Variants in IL20RA observed in about 807,000 individuals in gnomAD.
The protein encoded by IL20RA is interleukin 20 receptor subunit alpha.
In IL20RA, 29 loss-of-function variants were observed where a neutral mutation model predicts 36.5. The ratio of observed to expected loss-of-function variants is 0.79; its 90% confidence interval spans 0.59 to 1.08. The LOEUF (loss-of-function observed/expected upper bound fraction) is 1.08. Ranked by LOEUF, IL20RA falls within the 50% of genes least tolerant of loss-of-function variation. The pLI, the probability that IL20RA is intolerant of heterozygous loss-of-function variation, is 0.00. For synonymous variants in IL20RA, 279 were observed against 267.1 expected (o/e 1.04, Z -0.43); for missense variants, 652 against 668.4 (o/e 0.98, Z 0.27).
intron 3 of IL20RA, among the ~76,000 whole-genome samples, chr6:137,009,911 A>T (rs1450158039): frequency 1.3e-5 from 2 of 152,038 alleles, no homozygotes; most frequent in Non-Finnish European, 2.9e-5. Context: ...GCCTTAAAAG[A>T]CACCTTCTTA....
At position 137,008,743 on chromosome 6, in the gene IL20RA, A is replaced by C; in HGVS notation, c.580T>G (p.Trp194Gly). 1 of 1,590,086 alleles carries C rather than the reference A, an allele frequency of 6.3e-7. No individual in the cohort carries two copies. Among genetic ancestry groups the C allele is most frequent in the Non-Finnish European group, 8.6e-7 (1 of 1,169,006 alleles). The change falls in exon 5 of 7, where the codon TGG (tryptophan) becomes GGG (glycine). Residue 194 changes from tryptophan (W) to glycine (G), a missense_variant and splice_region_variant. Coordinates refer to ENST00000316649, the MANE Select transcript of IL20RA (RefSeq NM_014432.4). Reference protein sequence around the residue: ...SVLNTKSNRTWSQCVTNHTLV... With the variant: ...SVLNTKSNRTGSQCVTNHTLV... ...GTGTGGTTGGTCACACACTGGGACC[A>C]CTAGGATAGGGAATTGCAAACATTG...
chr6:137,030,070 G>GTTTTTTTTTTTTTTTTTTTTTTT (rs1188809232), intron 1 of IL20RA, among the ~76,000 whole-genome samples: 1 of 62,804 alleles, frequency 1.6e-5, no homozygotes, highest in African/African-American at 6.5e-5. Flanking sequence ...CGGTTTGCGG[G>GTTTTTTTTTTTTTTTTTTTTTTT]TTTTTTTTTT....
intron 1 of IL20RA, 79 bp downstream of exon 1, chr6:137,044,562 G>A (rs1035038263): frequency 3.3e-6 from 4 of 1,198,412 alleles, no homozygotes; most frequent in Non-Finnish European, 4.2e-6. Context: ...GGAGGGGAGA[G>A]CTCGGCCTCG....
intron 5 of IL20RA, among the ~76,000 whole-genome samples, chr6:137,006,304 A>G (rs1003262033): frequency 3.3e-5 from 5 of 152,232 alleles, no homozygotes; most frequent in Admixed American, 1.3e-4. Flanking sequence ...CAAGGAGCAC[A>G]TTCATCACCA....
chr6:137,016,873 C>T (rs1775706772), intron 2 of IL20RA, 95 bp downstream of exon 2: 1 of 1,117,664 alleles, frequency 8.9e-7, no homozygotes, highest in Non-Finnish European at 1.3e-6. Context: ...CTTTTTCAAA[C>T]ACATTTAATA....
intron 2 of IL20RA, 127 bp downstream of exon 2, chr6:137,016,841 C>G (rs1775705365): frequency 2.3e-6 from 2 of 871,674 alleles, no homozygotes; most frequent in Non-Finnish European, 3.6e-6. Flanking sequence ...AAAACTTAAC[C>G]TGAAATATCT....
rs550412722 is a variant in IL20RA at position 137,044,940 on chromosome 6, G to A, written c.-212C>T. The A allele has an allele frequency of 3.3e-5, 12 of 361,802 alleles. No individual in the cohort carries two copies. In the South Asian group the frequency reaches 1.7e-3, roughly 52 times the overall value. The allele number at this position is 361,802 out of a possible 1,614,324, so 22.4% of individuals were successfully genotyped here. A position where few individuals can be genotyped will look rare whatever the true frequency, so the allele number is the denominator to read the frequency against. ...CGAGCGACTCGCGGAGCCCCCACGC[G>A]CGCTCCCCCGGCTACCCAGCTGGAT... On this transcript the variant is annotated 5_prime_UTR_variant, in exon 1 of 7. Coordinates refer to ENST00000316649, the MANE Select transcript of IL20RA (RefSeq NM_014432.4).
intron 1 of IL20RA, among the ~76,000 whole-genome samples, chr6:137,037,698 G>A (rs578209145): frequency 4.6e-5 from 7 of 152,128 alleles, no homozygotes; most frequent in Non-Finnish European, 7.4e-5. Flanking sequence ...AAGTCAGCCC[G>A]AGATATTGCA....
At chr6:137,018,058 T>C (rs1413809697) in intron 1 of IL20RA, among the ~76,000 whole-genome samples, 1 of 152,222 alleles carries the variant, frequency 6.6e-6, no homozygotes, top group African/African-American at 2.4e-5. Context: ...CAACTTATCC[T>C]GTCACAAATA....
At chr6:137,004,144 A>G (rs1775179031) in intron 6 of IL20RA, among the ~76,000 whole-genome samples, 1 of 146,022 alleles carries the variant, frequency 6.8e-6, no homozygotes, top group African/African-American at 2.5e-5. Context: ...TCTGTTAGTC[A>G]GCTAATCCAG....
In IL20RA at chr6:137,000,267, TATCTC is replaced by T. The variant is rs915926906; in HGVS notation, c.*1286_*1290del. Reference sequence around the variant, plus strand: ...AATATCAATAAGGAAATATGGGTGATATCTCTTCTCATGAAAGAGCATCAATGGAT... The same window carrying T: ...AATATCAATAAGGAAATATGGGTGATTTCTCATGAAAGAGCATCAATGGAT... On this transcript the variant is annotated 3_prime_UTR_variant, in exon 7 of 7. Coordinates refer to ENST00000316649, the MANE Select transcript of IL20RA (RefSeq NM_014432.4). 2.6e-5 allele frequency: 4 copies of T among 152,316 alleles called. No homozygotes were observed. The highest frequency in any genetic ancestry group is 1.9e-4 in the East Asian group (1 of 5,192). 9.4% of individuals were successfully genotyped at this position (152,316 alleles called of 1,614,324 possible).
At chr6:137,038,302 A>G (rs1288466240) in intron 1 of IL20RA, among the ~76,000 whole-genome samples, 1 of 135,754 alleles carries the variant, frequency 7.4e-6, no homozygotes, top group African/African-American at 2.9e-5. Flanking sequence ...TGCAGCCCCA[A>G]ACTCCTGGGC....
rs149853805 is a variant in IL20RA at position 137,014,856 on chromosome 6, T to C, written c.224+2112A>G. On this transcript the variant is annotated intron_variant, in intron 2 of 6. Coordinates refer to ENST00000316649, the MANE Select transcript of IL20RA (RefSeq NM_014432.4). ...TTTGGTCATCACTAAGTTCTTCTTT[T>C]GGGTTTGTCTTTATCTCTCTGTTAG... Among the ~76,000 whole-genome samples the C allele has an allele frequency of 2.7e-3, 405 of 152,338 alleles. 2 individuals carry two copies. Among genetic ancestry groups the C allele is most frequent in the African/African-American group, 9.0e-3 (376 of 41,580 alleles).
intron 2 of IL20RA, 118 bp downstream of exon 2, chr6:137,016,850 C>T (rs1021243167): frequency 8.3e-6 from 8 of 958,290 alleles, no homozygotes; most frequent in Admixed American, 5.1e-5. Flanking sequence ...CCTGAAATAT[C>T]TAAAACTTTT....
At chr6:137,038,367 C>A (rs573489283) in intron 1 of IL20RA, among the ~76,000 whole-genome samples, 1 of 151,928 alleles carries the variant, frequency 6.6e-6, no homozygotes, top group East Asian at 1.9e-4. Flanking sequence ...CCAAGCCTGG[C>A]TATTTTTTGA....
chr6:137,017,386 G>C (rs56933397), intron 1 of IL20RA, among the ~76,000 whole-genome samples: 13 of 152,252 alleles, frequency 8.5e-5, no homozygotes, highest in African/African-American at 3.1e-4. Flanking sequence ...AGTTGTCCTG[G>C]TGTCCCAGCT....
Position 137,001,852 on chromosome 6 carries a change from G to A in IL20RA, c.1368C>T (p.Asp456=). The change falls in exon 7 of 7, where the codon GAC becomes GAT. Residue 456 remains aspartate (D), a synonymous_variant. Coordinates refer to ENST00000316649, the MANE Select transcript of IL20RA (RefSeq NM_014432.4). ...TGTGCTCCTGCGCCAGGGGGTCTAAGTCTTGGAGCTGAGGGGTGTATGAGT... is the reference window on the plus strand; with the variant it reads ...TGTGCTCCTGCGCCAGGGGGTCTAAATCTTGGAGCTGAGGGGTGTATGAGT... ...LQYSYTPQLQ[D]LDPLAQEHTD... is the part of the protein sequence containing the mutation. The A allele has an allele frequency of 6.2e-7, 1 of 1,613,616 alleles. No homozygotes were observed. Among genetic ancestry groups the A allele is most frequent in the Non-Finnish European group, 8.5e-7 (1 of 1,179,714 alleles).
At chr6:137,006,912 T>TG (rs1216100162) in intron 5 of IL20RA, among the ~76,000 whole-genome samples, 3 of 151,986 alleles carry the variant, frequency 2.0e-5, no homozygotes, top group African/African-American at 7.3e-5. Flanking sequence ...TTAGTAGAGA[T>TG]GGGGTTTCAC....
rs201684775 is a variant in IL20RA, at chr6:137,001,687, C to A, written c.1533G>T (p.Gly511=). 1 of 1,614,172 alleles carries A rather than the reference C, an allele frequency of 6.2e-7. No homozygotes were observed. Among genetic ancestry groups the A allele is most frequent in the East Asian group, 2.2e-5 (1 of 44,888 alleles). ...SEGCEPSEGD[G]LGEEGLLSRL... ...TAGATAGAAGACCCTCCTCTCCGAG[C>A]CCATCCCCCTCAGAAGGCTCGCAGC... The change falls in exon 7 of 7, where the codon GGG becomes GGT. Residue 511 remains glycine (G), a synonymous_variant. Coordinates refer to ENST00000316649, the MANE Select transcript of IL20RA (RefSeq NM_014432.4).
Sources: gnomAD v4.1 joint callset for allele counts (sites outside exome capture counted in the v4.1 genomes callset) on GRCh38, gnomAD v4.1.1 for gene constraint, MANE v1.5 for transcripts, NCBI Gene and HGNC (gene_info 2026-07-23, HGNC 2026-07-21) for gene names.